The following PARD3 variants were observed in gnomAD, a reference collection of about 807,000 sequenced individuals.
The protein encoded by PARD3 is partitioning defective 3 homolog.
PARD3 carries 75 observed loss-of-function variants against 155.4 expected under a neutral mutation model. That is an observed-to-expected ratio of 0.48 (90% confidence interval 0.40 to 0.58). The LOEUF (loss-of-function observed/expected upper bound fraction) is 0.58. Ranked by LOEUF, PARD3 falls within the 20% of genes least tolerant of loss-of-function variation. PARD3 has a pLI of 0.00. For synonymous variants in PARD3, 576 were observed against 610.5 expected, an observed-to-expected ratio of 0.94 and a Z score of 0.83; for missense variants, 1,642 against 1,721.7, an observed-to-expected ratio of 0.95 and a Z score of 0.82.
chr10:34,194,012 A>G (rs1950831028), intron 22 of PARD3, among the ~76,000 whole-genome samples: 1 of 152,200 alleles, frequency 6.6e-6, no homozygotes, highest in African/African-American at 2.4e-5. Context: ...GCAAAATGGT[A>G]GAAAAGCCTC....
Position 34,269,641 on chromosome 10 carries a change from T to C in PARD3, c.3419+16A>G, listed in dbSNP as rs1955515883. 1.9e-6 allele frequency: 3 copies of C among 1,610,424 alleles called. No homozygotes were observed. The highest frequency in any genetic ancestry group is 1.7e-5 in the Admixed American group (1 of 59,840). On this transcript the variant is annotated intron_variant, in intron 22 of 24. Transcript: ENST00000374788. ...GCTGATTTGGAAGCAATACCACGAT[T>C]GCCCCTGGCGCCTACCTGTCTACAG...
chr10:34,401,878 G>A lies in PARD3; in HGVS notation c.754C>T (p.Pro252Ser), dbSNP rs765313603. 6.2e-7 allele frequency: 1 copy of A among 1,613,612 alleles called. No individual in the cohort carries two copies. The highest frequency in any genetic ancestry group is 8.5e-7 in the Non-Finnish European group (1 of 1,179,620). The change falls in exon 6 of 25, where the codon CCT becomes TCT. Residue 252 changes from proline to serine, a missense_variant. This residue lies in a region of PARD3 where 1,529 missense variants were observed against 1,587.3 expected (regional missense o/e 0.96). Transcript: ENST00000374788. ...AAACCCGTGTCAGCATGTCCAACAG[G>A]TTCAACACGACTGTTATCCTCTTCT... ...GTEEDNSRVE[P>S]VGHADTGLEH... is the part of the protein sequence containing the mutation.
In PARD3 at chr10:34,450,063, C is replaced by A. The variant is rs113806678; in HGVS notation, c.714+254G>T. Among the ~76,000 whole-genome samples the A allele has an allele frequency of 3.9e-3, 595 of 152,310 alleles. 3 individuals are homozygous for A. Among genetic ancestry groups the A allele is most frequent in the African/African-American group, 0.014 (562 of 41,572 alleles). ...ATCTGTGCCTCTGTAGCATTACAAA[C>A]TCTAAAGCCCTGAACCTTCAGAATG... On this transcript the variant is annotated intron_variant, in intron 5 of 24. Transcript: ENST00000374788.
intron 2 of PARD3, among the ~76,000 whole-genome samples, chr10:34,643,354 C>T (rs1043095616): frequency 2.0e-5 from 3 of 152,250 alleles, no homozygotes; most frequent in African/African-American, 4.8e-5. Flanking sequence ...GTGTCCTCTG[C>T]CTCATGTCTC....
chr10:34,754,896 G>A (rs903005175), intron 1 of PARD3, among the ~76,000 whole-genome samples: 2 of 152,220 alleles, frequency 1.3e-5, no homozygotes, highest in Non-Finnish European at 2.9e-5. Flanking sequence ...CAACAGTGAT[G>A]AGAACATGAG....
intron 20 of PARD3, among the ~76,000 whole-genome samples, chr10:34,294,126 C>G (rs1956797945): frequency 6.6e-6 from 1 of 152,160 alleles, no homozygotes; most frequent in South Asian, 2.1e-4. Flanking sequence ...GATAATAATT[C>G]GGGTTGCCAT....
chr10:34,257,594 A>C (rs1168785878), intron 22 of PARD3, among the ~76,000 whole-genome samples: 4 of 152,218 alleles, frequency 2.6e-5, no homozygotes, highest in Non-Finnish European at 5.9e-5. Context: ...AAAGACATTA[A>C]AACAAAAATG....
chr10:34,467,329 T>TTGTGTGTGTGTGTGTGTGTG (rs61218571), intron 4 of PARD3, among the ~76,000 whole-genome samples: 3 of 146,986 alleles, frequency 2.0e-5, no homozygotes, highest in African/African-American at 5.0e-5. Context: ...TGACTCCAAC[T>TTGTGTGTGTGTGTGTGTGTG]TGTGTGTGTG....
intron 2 of PARD3, among the ~76,000 whole-genome samples, chr10:34,549,526 G>C (rs1055907077): frequency 6.6e-6 from 1 of 152,076 alleles, no homozygotes; most frequent in Non-Finnish European, 1.5e-5. Flanking sequence ...TGATTCCATT[G>C]AGATTCTGCA....
chr10:34,751,843 A>G lies in PARD3; in HGVS notation c.121-55424T>C, dbSNP rs143334180. Among the ~76,000 whole-genome samples the G allele has an allele frequency of 6.8e-4, 103 of 151,622 alleles. 1 individual carries two copies. Among genetic ancestry groups the G allele is most frequent in the African/African-American group, 2.4e-3 (100 of 41,300 alleles). On this transcript the variant is annotated intron_variant, in intron 1 of 24. Transcript: ENST00000374788. ...AGCTGGTCTCAAACTCCTGGCCTCAAGTGATCCTCCAGCCTTGGCCTCCCA... is the reference window on the plus strand; with the variant it reads ...AGCTGGTCTCAAACTCCTGGCCTCAGGTGATCCTCCAGCCTTGGCCTCCCA...
chr10:34,793,623 CT>C (rs200435061), intron 1 of PARD3, among the ~76,000 whole-genome samples: 4,703 of 152,202 alleles, frequency 0.031, 246 homozygotes, highest in African/African-American at 0.11. Flanking sequence ...CCCATCTCTA[CT>C]AAAAATGCAA....
chr10:34,621,884 TA>T (rs2091700587), intron 2 of PARD3, among the ~76,000 whole-genome samples: 1 of 150,100 alleles, frequency 6.7e-6, no homozygotes, highest in Admixed American at 6.6e-5. Flanking sequence ...TGTATTTTGA[TA>T]AAGTAAATTC....
At chr10:34,402,138 A>T (rs1221947691) in intron 5 of PARD3, among the ~76,000 whole-genome samples, 1 of 152,122 alleles carries the variant, frequency 6.6e-6, no homozygotes. Flanking sequence ...GGTGAATAAG[A>T]TATACTACTG....
At chr10:34,435,106 A>G (rs2076122410) in intron 5 of PARD3, among the ~76,000 whole-genome samples, 1 of 152,182 alleles carries the variant, frequency 6.6e-6, no homozygotes, top group South Asian at 2.1e-4. Context: ...TCCACATTTG[A>G]TATCTAATAT....
At chr10:34,728,456 G>C (rs2094757791) in intron 1 of PARD3, among the ~76,000 whole-genome samples, 1 of 151,602 alleles carries the variant, frequency 6.6e-6, no homozygotes, top group South Asian at 2.1e-4. Context: ...GGCACTTCAG[G>C]AAAAAAAACA....
rs150569324 is a variant in PARD3, at chr10:34,746,402, T to TC, written c.121-49984dup. Among the ~76,000 whole-genome samples, 1,366 of 152,102 alleles carry TC rather than the reference T, an allele frequency of 9.0e-3. 26 individuals are homozygous for TC. Among genetic ancestry groups the TC allele is most frequent in the African/African-American group, 0.031 (1,276 of 41,506 alleles). On this transcript the variant is annotated intron_variant, in intron 1 of 24. Transcript: ENST00000374788. ...AGTTCAAGGTTATAGTGAGGTATGA[T>TC]CACCCAGCTGCACTCAACCTGGGCA...
At chr10:34,643,176 G>C (rs1197321207) in intron 2 of PARD3, among the ~76,000 whole-genome samples, 1 of 152,238 alleles carries the variant, frequency 6.6e-6, no homozygotes, top group African/African-American at 2.4e-5. Flanking sequence ...CTCAGCGTCT[G>C]CTGGCTGGAG....
intron 1 of PARD3, among the ~76,000 whole-genome samples, chr10:34,758,856 T>A (rs1257430173): frequency 6.6e-6 from 1 of 152,072 alleles, no homozygotes; most frequent in Non-Finnish European, 1.5e-5. Context: ...CACAGGAAAT[T>A]CCCCCATGGT....
chr10:34,774,319 C>G (rs765495688), intron 1 of PARD3, among the ~76,000 whole-genome samples: 1 of 152,176 alleles, frequency 6.6e-6, no homozygotes, highest in Non-Finnish European at 1.5e-5. Context: ...CTTCTAAAAT[C>G]AAGGCTAAGG....
Sources: allele counts gnomAD v4.1 joint callset (sites outside exome capture counted in the v4.1 genomes callset), GRCh38; gene constraint gnomAD v4.1.1; regional missense constraint gnomAD v4.1.1; transcripts MANE v1.5; gene names NCBI Gene and HGNC (gene_info 2026-07-23, HGNC 2026-07-21).